Variants in SCP2 observed in about 807,000 individuals in gnomAD.
SCP2 encodes SCP-2/3-oxoacyl-CoA thiolase.
SCP2 carries 48 observed loss-of-function variants against 71.4 expected under a neutral mutation model. The observed-to-expected ratio is 0.67, with a 90% CI of 0.53 to 0.86. The LOEUF (loss-of-function observed/expected upper bound fraction) is 0.86, where lower values mean the gene tolerates loss of function less well. SCP2 is among the 40% of genes least tolerant of loss of function. The pLI, the probability that SCP2 is intolerant of heterozygous loss-of-function variation, is 0.00. For missense variants in SCP2, 560 were observed against 655.6 expected (o/e 0.85, Z 1.59); for synonymous variants, 220 against 218.1 (o/e 1.01, Z -0.08).
At chr1:52,993,121 A>T in intron 11 of SCP2, 2 of 1,503,802 alleles carry the variant, frequency 1.3e-6, no homozygotes, top group Middle Eastern at 2.0e-4. Flanking sequence ...AAAGGTACCA[A>T]CAAGATGTAA....
intron 5 of SCP2, among the ~76,000 whole-genome samples, chr1:52,958,802 G>A (rs115347945): frequency 0.012 from 1,771 of 152,194 alleles, 39 homozygotes; most frequent in African/African-American, 0.041. Context: ...CAATCCTCCC[G>A]CCTGGGCCTC....
In SCP2 at chr1:53,014,969, T is replaced by C; in HGVS notation, c.1161T>C (p.Ala387=). The change falls in exon 12 of 16, where the codon GCT becomes GCC. Residue 387 remains alanine, a synonymous_variant. Transcript: ENST00000371514. ...GGCAAGTTCCTGGTGCAAAGGTGGC[T>C]CTGCAGCATAATTTAGGCATTGGAG... ...GKRQVPGAKV[A]LQHNLGIGGA... The C allele has an allele frequency of 6.2e-7, 1 of 1,614,118 alleles. No homozygotes were observed. Among genetic ancestry groups the C allele is most frequent in the Non-Finnish European group, 8.5e-7 (1 of 1,179,986 alleles).
At chr1:53,044,002 T>C (rs1663612705) in intron 14 of SCP2, among the ~76,000 whole-genome samples, 1 of 152,194 alleles carries the variant, frequency 6.6e-6, no homozygotes, top group Admixed American at 6.6e-5. Flanking sequence ...AACCTTTTTT[T>C]CTATCTTGTT....
At chr1:52,969,847 A>AC (rs1175534815) in intron 6 of SCP2, among the ~76,000 whole-genome samples, 4 of 149,128 alleles carry the variant, frequency 2.7e-5, no homozygotes, top group Non-Finnish European at 4.5e-5. Context: ...AAACAAACAA[A>AC]AAAAGTGGCC....
intron 11 of SCP2, among the ~76,000 whole-genome samples, chr1:53,014,564 A>G (rs770993259): frequency 1.3e-5 from 2 of 152,218 alleles, no homozygotes; most frequent in South Asian, 2.1e-4. Context: ...TGAACTTCCA[A>G]ATCCTTGTTT....
At chr1:52,961,824 G>C (rs890758104) in intron 6 of SCP2, among the ~76,000 whole-genome samples, 195 bp downstream of exon 6, 2 of 152,100 alleles carry the variant, frequency 1.3e-5, no homozygotes, top group African/African-American at 4.8e-5. Context: ...CTATGGTATG[G>C]GAAGTACCTA....
At chr1:52,947,873 G>C (rs951380132) in intron 2 of SCP2, 136 bp from the exon 3 acceptor site, 4 of 687,614 alleles carry the variant, frequency 5.8e-6, no homozygotes, top group Non-Finnish European at 1.1e-5. Flanking sequence ...GACATGATTT[G>C]ATGAAGGATT....
rs771869330 is a variant in SCP2 at position 53,047,878 on chromosome 1, A to G, written c.1489A>G (p.Ile497Val). The G allele has an allele frequency of 6.2e-7, 1 of 1,613,366 alleles. No individual in the cohort carries two copies. The highest frequency in any genetic ancestry group is 1.1e-5 in the South Asian group (1 of 91,074). ...TTTAGATAAGAAGGCTGACTGCACA[A>G]TCACAATGGCTGACTCAGACTTCCT... ...PNSDKKADCT[I>V]TMADSDFLAL... Residue 497 changes from isoleucine to valine, a missense_variant, in exon 15 of 16, where the codon ATC (isoleucine) becomes GTC (valine). Ile to Val is a conservative substitution (Grantham distance 29). Transcript: ENST00000371514.
chr1:52,947,061 G>GA (rs769379121), intron 2 of SCP2, among the ~76,000 whole-genome samples: 1,653 of 76,746 alleles, frequency 0.022, 24 homozygotes, highest in Middle Eastern at 0.15. Flanking sequence ...ACTCTGTCTC[G>GA]AAAAAAAAAA....
intron 11 of SCP2, among the ~76,000 whole-genome samples, chr1:53,009,052 A>C (rs1353675673): frequency 2.0e-5 from 3 of 152,202 alleles, no homozygotes; most frequent in African/African-American, 7.2e-5. Context: ...TAAAATACCT[A>C]GGAATCCAAC....
chr1:53,026,771 G>A (rs550748682), intron 12 of SCP2, among the ~76,000 whole-genome samples: 1 of 152,214 alleles, frequency 6.6e-6, no homozygotes, highest in African/African-American at 2.4e-5. Context: ...CAGGACCACT[G>A]CACCCCAGCC....
intron 11 of SCP2, chr1:52,995,372 C>G (rs538879871): frequency 3.0e-5 from 14 of 468,978 alleles, no homozygotes; most frequent in Non-Finnish European, 5.1e-5. Context: ...CTGACCACAC[C>G]AAACTATGGG....
At chr1:53,003,171 T>C (rs1230323810) in intron 11 of SCP2, among the ~76,000 whole-genome samples, 2 of 152,222 alleles carry the variant, frequency 1.3e-5, no homozygotes, top group African/African-American at 4.8e-5. Flanking sequence ...TACCTGTTGC[T>C]AGCTAGAGAT....
chr1:53,004,084 C>G (rs1003503852), intron 11 of SCP2, among the ~76,000 whole-genome samples: 13 of 152,150 alleles, frequency 8.5e-5, no homozygotes, highest in Non-Finnish European at 1.9e-4. Context: ...ACAAAGATAG[C>G]TACTAACTGA....
intron 11 of SCP2, among the ~76,000 whole-genome samples, chr1:53,008,545 T>C (rs954053900): frequency 2.6e-5 from 4 of 152,276 alleles, no homozygotes; most frequent in Admixed American, 2.6e-4. Context: ...ATTATCTCAA[T>C]AGATGCAGAA....
chr1:52,960,712 A>ATGTG lies in SCP2; in HGVS notation c.397-790_397-787dup, dbSNP rs1232835088. On this transcript the variant is annotated intron_variant, in intron 5 of 15. Coordinates refer to ENST00000371514, the MANE Select transcript of SCP2 (RefSeq NM_002979.5). ...TATATGTGTGTTGTGTGTATATATT[A>ATGTG]TGTGCGTGTGTGTGTGTGTGTGTGT... Among the ~76,000 whole-genome samples the ATGTG allele has an allele frequency of 9.8e-3, 1,343 of 136,406 alleles. 14 individuals carry two copies. Among genetic ancestry groups the ATGTG allele is most frequent in the African/African-American group, 0.036 (1,257 of 34,484 alleles). The allele number at this position is 136,406 out of a possible 152,430, so 89.5% of individuals were successfully genotyped here. A position where few individuals can be genotyped will look rare whatever the true frequency, so the allele number is the denominator to read the frequency against.
chr1:53,019,646 T>C (rs1435419225), intron 12 of SCP2, among the ~76,000 whole-genome samples: 1 of 152,230 alleles, frequency 6.6e-6, no homozygotes, highest in Non-Finnish European at 1.5e-5. Flanking sequence ...AGCTGTGTGC[T>C]TGTTATTATT....
At chr1:52,950,582 C>CT (rs1268387168) in intron 3 of SCP2, among the ~76,000 whole-genome samples, 173 bp from the exon 4 acceptor site, 1 of 152,098 alleles carries the variant, frequency 6.6e-6, no homozygotes, top group Non-Finnish European at 1.5e-5. Context: ...TGTTTTCAGT[C>CT]TTTTTTGCAG....
chr1:53,039,350 TC>T (rs1407175095), intron 14 of SCP2, among the ~76,000 whole-genome samples: 2 of 152,228 alleles, frequency 1.3e-5, no homozygotes, highest in Non-Finnish European at 2.9e-5. Flanking sequence ...AGTTTTCTCT[TC>T]TGTAAATGGG....
Sources: gnomAD v4.1 joint callset for allele counts (sites outside exome capture counted in the v4.1 genomes callset) on GRCh38, gnomAD v4.1.1 for gene constraint, MANE v1.5 for transcripts, NCBI Gene and HGNC (gene_info 2026-07-23, HGNC 2026-07-21) for gene names.